Variants in HS3ST5 observed in about 807,000 individuals in gnomAD.
HS3ST5 encodes the protein heparan sulfate glucosamine 3-O-sulfotransferase 5.
Under a neutral mutation model 25.4 loss-of-function variants are expected in HS3ST5, and 10 were observed. That is an observed-to-expected ratio of 0.39 (90% CI 0.24 to 0.67). The LOEUF (loss-of-function observed/expected upper bound fraction) is 0.67. HS3ST5 is among the 30% of genes least tolerant of loss of function. The pLI, the probability that HS3ST5 is intolerant of heterozygous loss-of-function variation, is 0.44. For missense variants in HS3ST5, 324 were observed against 420.7 expected (o/e 0.77, Z 2.01); for synonymous variants, 170 against 162.4 (o/e 1.05, Z -0.36).
intron 1 of HS3ST5, among the ~76,000 whole-genome samples, chr6:114,306,378 T>C (rs1194502035): frequency 6.7e-6 from 1 of 150,148 alleles, no homozygotes; most frequent in African/African-American, 2.4e-5. Flanking sequence ...ATCATTTACA[T>C]ATAAATTATT....
rs992097947 is a variant in HS3ST5 at position 114,342,814 on chromosome 6, C to T, written c.-958G>A. 6.6e-6 allele frequency: 1 copy of T among 152,336 alleles called. No homozygotes were observed. Among genetic ancestry groups the T allele is most frequent in the Non-Finnish European group, 1.5e-5 (1 of 68,148 alleles). The allele number at this position is 152,336 out of a possible 1,614,324, so 9.4% of individuals were successfully genotyped here. On this transcript the variant is annotated 5_prime_UTR_variant, in exon 1 of 5. Transcript: ENST00000312719. ...CTGGGATCTTCCCTTCCTGCGTCCT[C>T]GAGCCTCCGGTGCCAAGCTGTGCGG...
chr6:114,229,214 T>C (rs549131111), intron 1 of HS3ST5, among the ~76,000 whole-genome samples: 186 of 152,344 alleles, frequency 1.2e-3, no homozygotes, highest in Non-Finnish European at 2.2e-3. Flanking sequence ...TCCTTTCACA[T>C]GGGTAGTACT....
At chr6:114,124,140 C>T (rs1393600550) in intron 3 of HS3ST5, among the ~76,000 whole-genome samples, 1 of 152,140 alleles carries the variant, frequency 6.6e-6, no homozygotes, top group African/African-American at 2.4e-5. Context: ...CCATTGCAGT[C>T]CCTGCCTTTC....
At chr6:114,222,340 A>G (rs141212245) in intron 2 of HS3ST5, among the ~76,000 whole-genome samples, 9 of 152,022 alleles carry the variant, frequency 5.9e-5, no homozygotes, top group African/African-American at 1.7e-4. Flanking sequence ...GCTTCATTCA[A>G]TGATGTATCT....
At chr6:114,169,131 G>C (rs977202371) in intron 2 of HS3ST5, among the ~76,000 whole-genome samples, 2 of 152,140 alleles carry the variant, frequency 1.3e-5, no homozygotes, top group Non-Finnish European at 2.9e-5. Flanking sequence ...TCAGGCTGCT[G>C]TTAAGAGTGT....
chr6:114,094,572 T>G (rs1775319890), intron 3 of HS3ST5, among the ~76,000 whole-genome samples: 1 of 152,206 alleles, frequency 6.6e-6, no homozygotes, highest in African/African-American at 2.4e-5. Context: ...ACATTTATTC[T>G]AATAATCCTA....
intron 1 of HS3ST5, among the ~76,000 whole-genome samples, chr6:114,262,880 T>C (rs1773240121): frequency 1.3e-5 from 2 of 152,142 alleles, no homozygotes; most frequent in African/African-American, 2.4e-5. Flanking sequence ...TGGAAATATA[T>C]TGAATACAAA....
intron 2 of HS3ST5, among the ~76,000 whole-genome samples, chr6:114,184,571 G>C (rs1582692156): frequency 6.6e-6 from 1 of 152,146 alleles, no homozygotes; most frequent in Non-Finnish European, 1.5e-5. Flanking sequence ...CTATGAACAG[G>C]GTCTATTTTT....
intron 3 of HS3ST5, chr6:114,084,106 ACTG>A: frequency 3.5e-6 from 2 of 565,356 alleles, no homozygotes; most frequent in East Asian, 5.7e-5. Context: ...TTTTTTAGAA[ACTG>A]ATGTTTATTT....
At position 114,150,734 on chromosome 6, in the gene HS3ST5, T is replaced by C. The variant is rs79095385; in HGVS notation, c.-33+17617A>G. Among the ~76,000 whole-genome samples the C allele has an allele frequency of 7.0e-3, 1,069 of 152,288 alleles. 57 individuals carry two copies. In the East Asian group the frequency reaches 0.14, roughly 19 times the overall value. ...AGTTAATGCCTGAGTGTAGGAGATG[T>C]ATTCAGCAATTATAATAAAATCCTG... On this transcript the variant is annotated intron_variant, in intron 3 of 4. Transcript: ENST00000312719.
chr6:114,161,689 CT>C (rs1778981786), intron 3 of HS3ST5, among the ~76,000 whole-genome samples: 2 of 149,616 alleles, frequency 1.3e-5, no homozygotes, highest in African/African-American at 4.9e-5. Flanking sequence ...GTTTTCTAAT[CT>C]TTTTTATCTA....
At chr6:114,272,378 A>T (rs946973814) in intron 1 of HS3ST5, among the ~76,000 whole-genome samples, 2 of 152,124 alleles carry the variant, frequency 1.3e-5, no homozygotes, top group African/African-American at 4.8e-5. Flanking sequence ...AATCCCCTCT[A>T]ACAGGGCAAG....
intron 1 of HS3ST5, among the ~76,000 whole-genome samples, chr6:114,301,329 G>A (rs1582799727): frequency 6.6e-6 from 1 of 152,128 alleles, no homozygotes; most frequent in African/African-American, 2.4e-5. Flanking sequence ...TCATTCATAG[G>A]ACACACTAGG....
intron 2 of HS3ST5, among the ~76,000 whole-genome samples, chr6:114,189,719 A>C (rs1468291122): frequency 2.0e-5 from 3 of 152,034 alleles, no homozygotes; most frequent in Non-Finnish European, 4.4e-5. Flanking sequence ...GCAGTATCTT[A>C]TCTCTTCACA....
chr6:114,187,911 A>C (rs780203860), intron 2 of HS3ST5, among the ~76,000 whole-genome samples: 5 of 152,192 alleles, frequency 3.3e-5, no homozygotes, highest in Non-Finnish European at 5.9e-5. Flanking sequence ...CTCCACCAGC[A>C]AAAAGATTAG....
intron 3 of HS3ST5, among the ~76,000 whole-genome samples, chr6:114,088,478 T>G (rs1774959140): frequency 6.8e-6 from 1 of 147,776 alleles, no homozygotes; most frequent in Non-Finnish European, 1.5e-5. Flanking sequence ...GGAAGAAACC[T>G]CCTCTGATCC....
intron 3 of HS3ST5, chr6:114,084,704 A>C: frequency 1.6e-6 from 2 of 1,264,684 alleles, no homozygotes; most frequent in South Asian, 2.4e-5. Flanking sequence ...TGGCTCCTGG[A>C]AGGCTGCCTG....
chr6:114,075,375 A>G (rs1218997679), intron 3 of HS3ST5, among the ~76,000 whole-genome samples: 1 of 152,224 alleles, frequency 6.6e-6, no homozygotes, highest in Non-Finnish European at 1.5e-5. Flanking sequence ...CTGCCCAAGT[A>G]GCCACAAACT....
intron 1 of HS3ST5, among the ~76,000 whole-genome samples, chr6:114,335,327 A>G (rs1776565283): frequency 6.6e-6 from 1 of 152,024 alleles, no homozygotes; most frequent in East Asian, 1.9e-4. Context: ...AAAAAAATCT[A>G]AGAATAGAAT....
Sources: gnomAD v4.1 joint callset for allele counts (sites outside exome capture counted in the v4.1 genomes callset) on GRCh38, gnomAD v4.1.1 for gene constraint, MANE v1.5 for transcripts, NCBI Gene and HGNC (gene_info 2026-07-23, HGNC 2026-07-21) for gene names.